The following LRIG3 variants were observed in gnomAD, a reference collection of about 807,000 sequenced individuals.
LRIG3 encodes leucine-rich repeats and immunoglobulin-like domains protein 3.
LRIG3 carries 76 observed loss-of-function variants against 114.5 expected under a neutral mutation model. The ratio of observed to expected loss-of-function variants is 0.66; its 90% CI spans 0.55 to 0.80. The LOEUF (loss-of-function observed/expected upper bound fraction) is 0.80. Among genes scored for constraint, LRIG3 ranks in the 30% least tolerant of loss-of-function variants. The probability of loss-of-function intolerance (pLI) is 0.00; values close to 1 mark genes in which losing one functional copy is unlikely to be tolerated. For synonymous variants in LRIG3, 512 were observed against 519.8 expected, an observed-to-expected ratio of 0.98 and a Z score of 0.20; for missense variants, 1,239 against 1,382.8, an observed-to-expected ratio of 0.90 and a Z score of 1.65.
In LRIG3 at chr12:58,878,911, CA is replaced by C; in HGVS notation, c.1995del (p.Asp665GlufsTer2). 1 of 1,614,230 alleles carries C rather than the reference CA, an allele frequency of 6.2e-7. No individual in the cohort carries two copies. The highest frequency in any genetic ancestry group is 8.5e-7 in the Non-Finnish European group (1 of 1,180,046). ...MPEDDVFFIV[D>X]VKIEDIGVYS... ...TATACCCCAATGTCCTCTATCTTCA[CA>C]TCCACGATAAAGAACACGTCATCCT... On this transcript the variant is annotated frameshift_variant, in exon 14 of 19. Transcript: ENST00000320743. LOFTEE classifies it high-confidence loss of function.
chr12:58,895,873 G>A (rs181131696), intron 3 of LRIG3, among the ~76,000 whole-genome samples: 3 of 152,226 alleles, frequency 2.0e-5, no homozygotes, highest in Admixed American at 2.0e-4. Flanking sequence ...GGTTTCCAGG[G>A]CACACACTGT....
At chr12:58,918,835 T>C (rs1872568858) in intron 1 of LRIG3, among the ~76,000 whole-genome samples, 2 of 152,228 alleles carry the variant, frequency 1.3e-5, no homozygotes, top group South Asian at 4.1e-4. Context: ...TTTATTAAAC[T>C]AAGGCTTATT....
chr12:58,919,924 C>A, intron 1 of LRIG3, 76 bp downstream of exon 1: 7 of 1,387,428 alleles, frequency 5.0e-6, no homozygotes, highest in Non-Finnish European at 7.0e-6. Flanking sequence ...CACGCCGAAC[C>A]CCATTCCCCG....
chr12:58,902,090 A>G (rs1871872750), intron 3 of LRIG3, among the ~76,000 whole-genome samples: 1 of 152,210 alleles, frequency 6.6e-6, no homozygotes, highest in South Asian at 2.1e-4. Flanking sequence ...TGAGGAAATT[A>G]AGACAGGAAA....
chr12:58,881,032 G>T, intron 12 of LRIG3, 131 bp from the exon 13 acceptor site: 1 of 782,630 alleles, frequency 1.3e-6, no homozygotes, highest in Non-Finnish European at 2.1e-6. Context: ...TTTCCAGATG[G>T]ACTAGCCGTC....
chr12:58,903,807 A>G (rs1312011114), intron 3 of LRIG3, among the ~76,000 whole-genome samples: 1 of 151,992 alleles, frequency 6.6e-6, no homozygotes, highest in Non-Finnish European at 1.5e-5. Flanking sequence ...TCCCAGCAGC[A>G]TTTATTAAAT....
chr12:58,880,166 C>G (rs1274800147), intron 13 of LRIG3, among the ~76,000 whole-genome samples: 1 of 151,906 alleles, frequency 6.6e-6, no homozygotes, highest in Non-Finnish European at 1.5e-5. Context: ...CATGGTGGCG[C>G]ACGCCTGTAA....
rs1233003588 is a variant in LRIG3 at position 58,883,606 on chromosome 12, A to C, written c.1245-15T>G. On this transcript the variant is annotated splice_polypyrimidine_tract_variant and intron_variant, in intron 10 of 18. Coordinates refer to ENST00000320743, the MANE Select transcript of LRIG3 (RefSeq NM_153377.5). ...CACTCAGGTCTCTGAAAAATCACCA[A>C]ATCAAATGCATCAGAGCAAACTACC... 1 of 1,530,382 alleles carries C rather than the reference A, an allele frequency of 6.5e-7. No individual in the cohort carries two copies. The highest frequency in any genetic ancestry group is 8.9e-7 in the Non-Finnish European group (1 of 1,121,622). The allele number at this position is 1,530,382 out of a possible 1,614,324, so 94.8% of individuals were successfully genotyped here. A position where few individuals can be genotyped will look rare whatever the true frequency, so the allele number is the denominator to read the frequency against.
intron 3 of LRIG3, among the ~76,000 whole-genome samples, chr12:58,901,108 G>A (rs911812801): frequency 6.6e-6 from 1 of 152,202 alleles, no homozygotes; most frequent in African/African-American, 2.4e-5. Flanking sequence ...AAAGCAAGAT[G>A]AGAATTGAGC....
intron 1 of LRIG3, among the ~76,000 whole-genome samples, chr12:58,917,189 T>C (rs1235321163): frequency 1.3e-5 from 2 of 151,970 alleles, no homozygotes; most frequent in Non-Finnish European, 1.5e-5. Flanking sequence ...ACTAAAGAAG[T>C]CACACCAGCA....
chr12:58,919,402 A>C (rs972659862), intron 1 of LRIG3: 1 of 1,551,504 alleles, frequency 6.4e-7, no homozygotes, highest in African/African-American at 1.4e-5. Flanking sequence ...AGTCTTTACA[A>C]TCTGGTTGAG....
At chr12:58,882,810 T>C (rs572051862) in intron 12 of LRIG3, 59 bp downstream of exon 12, 2 of 1,502,546 alleles carry the variant, frequency 1.3e-6, no homozygotes, top group African/African-American at 1.4e-5. Context: ...ATTATTTGGA[T>C]AAATGGGAGG....
At chr12:58,903,305 A>G (rs1871936143) in intron 3 of LRIG3, among the ~76,000 whole-genome samples, 1 of 152,064 alleles carries the variant, frequency 6.6e-6, no homozygotes, top group African/African-American at 2.4e-5. Flanking sequence ...TTTGATTTGC[A>G]TTTCTCTGAT....
In LRIG3 at chr12:58,885,766, A is replaced by G. The variant is rs907646574; in HGVS notation, c.1244+65T>C. 7.8e-6 allele frequency: 9 copies of G among 1,152,928 alleles called. No individual in the cohort carries two copies. The African/African-American group carries it at 1.3e-4, about 16-fold the overall frequency. 71.4% of individuals were successfully genotyped at this position (1,152,928 alleles called of 1,614,324 possible). On this transcript the variant is annotated intron_variant, in intron 10 of 18. Transcript: ENST00000320743. ...TACATTCCAGTTTGTTTTATCTTTC[A>G]TGACACATAAGTAAAAACCATCTTA... is the stretch of plus-strand genomic sequence containing the variant.
intron 3 of LRIG3, among the ~76,000 whole-genome samples, chr12:58,903,909 T>A (rs548103976): frequency 1.3e-5 from 2 of 152,172 alleles, no homozygotes; most frequent in African/African-American, 4.8e-5. Flanking sequence ...GGCTCTGTTC[T>A]GTTCCATTGA....
intron 3 of LRIG3, among the ~76,000 whole-genome samples, chr12:58,909,899 T>C (rs1266641450): frequency 6.6e-6 from 1 of 152,208 alleles, no homozygotes; most frequent in Non-Finnish European, 1.5e-5. Flanking sequence ...TAAACCATCC[T>C]CCTGCCACCT....
chr12:58,903,511 A>G (rs1450240161), intron 3 of LRIG3, among the ~76,000 whole-genome samples: 1 of 152,090 alleles, frequency 6.6e-6, no homozygotes, highest in Non-Finnish European at 1.5e-5. Context: ...CCCATTTTGC[A>G]GGTTGCCTGT....
chr12:58,913,725 G>A (rs1047147832), intron 3 of LRIG3: 3 of 422,712 alleles, frequency 7.1e-6, no homozygotes, highest in Admixed American at 8.1e-5. Flanking sequence ...GTGTAAAGCT[G>A]GCCTCTTTGA....
At chr12:58,912,357 G>T (rs1023520823) in intron 3 of LRIG3, among the ~76,000 whole-genome samples, 1 of 152,106 alleles carries the variant, frequency 6.6e-6, no homozygotes, top group Non-Finnish European at 1.5e-5. Context: ...CTAGCCGGGC[G>T]TAGTGGCGGA....
Sources: allele counts gnomAD v4.1 joint callset (sites outside exome capture counted in the v4.1 genomes callset), GRCh38; gene constraint gnomAD v4.1.1; transcripts MANE v1.5; gene names NCBI Gene and HGNC (gene_info 2026-07-23, HGNC 2026-07-21).